ZXDC: variants seen among roughly 807,000 people sequenced by gnomAD.
ZXDC encodes the protein zinc finger protein ZXDC.
A neutral mutation model predicts 63.6 loss-of-function variants in ZXDC; 58 were observed. The ratio of observed to expected loss-of-function variants is 0.91; its 90% CI spans 0.74 to 1.13. The LOEUF is 1.13. ZXDC is among the 50% of genes most tolerant of loss of function. The pLI is 0.00. For missense variants in ZXDC, 1,133 were observed against 1,148.9 expected, an observed-to-expected ratio of 0.99 and a Z score of 0.20; for synonymous variants, 561 against 496.1, an observed-to-expected ratio of 1.13 and a Z score of -1.74.
At chr3:126,451,435 TC>T (rs777921468) in intron 7 of ZXDC, 195 of 985,246 alleles carry the variant, frequency 2.0e-4, no homozygotes, top group Non-Finnish European at 2.2e-4. Context: ...TTCACACAGA[TC>T]CCTGGGATTT....
intron 4 of ZXDC, among the ~76,000 whole-genome samples, chr3:126,466,834 G>C (rs1934787713): frequency 6.6e-6 from 1 of 152,056 alleles, no homozygotes; most frequent in South Asian, 2.1e-4. Flanking sequence ...CTGGAGCCCA[G>C]AGCTGGCAAC....
intron 5 of ZXDC, among the ~76,000 whole-genome samples, chr3:126,465,919 A>T (rs1431185098): frequency 1.3e-5 from 2 of 152,192 alleles, no homozygotes; most frequent in East Asian, 3.8e-4. Context: ...ACTGCACTCC[A>T]GTCAGGGTGA....
chr3:126,452,759 G>C (rs533769526), intron 7 of ZXDC, among the ~76,000 whole-genome samples: 55 of 84,148 alleles, frequency 6.5e-4, no homozygotes, highest in African/African-American at 2.3e-3. Flanking sequence ...TTTTTTTTTT[G>C]AGACAAGGGT....
rs7624624 is a variant in ZXDC at position 126,475,332 on chromosome 3, G to C, written c.534C>G (p.Pro178=). 2,036 of 1,536,478 alleles carry C rather than the reference G, an allele frequency of 1.3e-3. 24 individuals carry two copies. In the African/African-American group the frequency reaches 0.025, roughly 19 times the overall value. The change falls in exon 1 of 10, where the codon CCC becomes CCG. Residue 178 remains proline (P), a synonymous_variant. Coordinates refer to ENST00000389709, the MANE Select transcript of ZXDC (RefSeq NM_025112.5). ...SGPSTPGYRC[P]EPQCALAFAK... ...CGAAGGCCAGCGCGCACTGCGGCTC[G>C]GGGCAGCGGTAGCCGGGCGTGCTGG...
At chr3:126,439,065 G>A (rs1933571827) in intron 9 of ZXDC, among the ~76,000 whole-genome samples, 1 of 152,180 alleles carries the variant, frequency 6.6e-6, no homozygotes, top group African/African-American at 2.4e-5. Context: ...TGGGTGCCCG[G>A]CCCTCTGCTC....
intron 7 of ZXDC, among the ~76,000 whole-genome samples, chr3:126,449,992 T>C (rs953625741): frequency 2.6e-5 from 4 of 152,204 alleles, no homozygotes; most frequent in African/African-American, 9.6e-5. Flanking sequence ...TCTCCAGCAC[T>C]GGGGTCACAC....
intron 7 of ZXDC, chr3:126,459,010 G>A (rs752816906): frequency 2.5e-4 from 244 of 982,472 alleles, no homozygotes; most frequent in Non-Finnish European, 2.8e-4. Context: ...AAATACAAAG[G>A]ACAAATGAAA....
chr3:126,453,443 G>C (rs1934188383), intron 7 of ZXDC: 1 of 985,320 alleles, frequency 1.0e-6, no homozygotes, highest in Non-Finnish European at 1.2e-6. Context: ...GAAGACATCT[G>C]AGGCACAAAC....
chr3:126,460,543 G>A (rs897296657), intron 6 of ZXDC: 13 of 985,196 alleles, frequency 1.3e-5, no homozygotes, highest in Non-Finnish European at 1.4e-5. Context: ...CCAAGGCACC[G>A]AGGCACACAG....
intron 7 of ZXDC, chr3:126,457,410 G>A (rs148270773): frequency 3.1e-5 from 31 of 985,392 alleles, no homozygotes; most frequent in African/African-American, 2.4e-4. Context: ...GAAAAGAGAC[G>A]GTGGCCTTCC....
At chr3:126,448,435 GT>G (rs1003252329) in intron 7 of ZXDC, among the ~76,000 whole-genome samples, 2 of 152,254 alleles carry the variant, frequency 1.3e-5, no homozygotes, top group Non-Finnish European at 2.9e-5. Context: ...AAAGTACAGG[GT>G]ACCCTGGGAG....
chr3:126,456,126 A>T (rs1256201305), intron 7 of ZXDC, among the ~76,000 whole-genome samples: 1 of 152,232 alleles, frequency 6.6e-6, no homozygotes, highest in African/African-American at 2.4e-5. Context: ...ATGGAAAATC[A>T]CCATTAAACC....
chr3:126,455,070 A>G (rs1934252585), intron 7 of ZXDC: 1 of 985,344 alleles, frequency 1.0e-6, no homozygotes, highest in Admixed American at 6.1e-5. Context: ...CAGTCCTGTT[A>G]CACTGCAACT....
At chr3:126,456,480 G>C (rs1934312174) in intron 7 of ZXDC, among the ~76,000 whole-genome samples, 1 of 152,228 alleles carries the variant, frequency 6.6e-6, no homozygotes, top group Admixed American at 6.5e-5. Context: ...CTTCCCTGGG[G>C]GGCAATGGTC....
Position 126,462,177 on chromosome 3 carries a change from G to C in ZXDC, c.1485C>G (p.Ser495Arg), listed in dbSNP as rs1934580473. ...QLEAPSSLTP[S>R]SELSSPGQSE... ...TTTGGCCTGGGCTGCTGAGTTCACT[G>C]CTGGGAGTAAGAGAACTCGGAGCTT... Residue 495 changes from serine (S) to arginine (R), a missense_variant, in exon 6 of 10, where the codon AGC becomes AGG. Coordinates refer to ENST00000389709, the MANE Select transcript of ZXDC (RefSeq NM_025112.5). The C allele has an allele frequency of 8.7e-6, 14 of 1,609,868 alleles. No homozygotes were observed. Among genetic ancestry groups the C allele is most frequent in the Non-Finnish European group, 1.1e-5 (13 of 1,179,526 alleles).
chr3:126,469,129 G>A (rs1403562129), intron 4 of ZXDC, among the ~76,000 whole-genome samples: 6 of 152,168 alleles, frequency 3.9e-5, no homozygotes, highest in African/African-American at 1.4e-4. Flanking sequence ...CGAGGCCCCA[G>A]ACCTACTTAC....
At chr3:126,452,981 TC>T in intron 7 of ZXDC, 1 of 980,364 alleles carries the variant, frequency 1.0e-6, no homozygotes, top group Non-Finnish European at 1.2e-6. Flanking sequence ...CAAGCAATAC[TC>T]CCACCTCAGC....
Position 126,440,877 on chromosome 3 carries a change from C to T in ZXDC, c.2394+888G>A, listed in dbSNP as rs574730548. The stretch of plus-strand genomic sequence containing the variant: ...CCCAGGCCTGGTCCTGTTTCCTTGG[C>T]GAGACTCTCCCAGGACTCTGAACCC... On this transcript the variant is annotated intron_variant, in intron 8 of 9. Transcript: ENST00000389709. 17 of 985,692 alleles carry T rather than the reference C, an allele frequency of 1.7e-5. No homozygotes were observed. The South Asian group carries it at 2.8e-4, about 16-fold the overall frequency. 61.1% of individuals were successfully genotyped at this position (985,692 alleles called of 1,614,324 possible). A position where few individuals can be genotyped will look rare whatever the true frequency, so the allele number is the denominator to read the frequency against.
chr3:126,448,342 A>G (rs761583084), intron 7 of ZXDC, among the ~76,000 whole-genome samples: 12 of 152,210 alleles, frequency 7.9e-5, no homozygotes, highest in Middle Eastern at 3.2e-3. Flanking sequence ...TGGAGCTTAC[A>G]GCTGCTGGCT....
Sources: allele counts gnomAD v4.1 joint callset (sites outside exome capture counted in the v4.1 genomes callset), GRCh38; gene constraint gnomAD v4.1.1; transcripts MANE v1.5; gene names NCBI Gene and HGNC (gene_info 2026-07-23, HGNC 2026-07-21).